The following ABCG5 variants were observed in gnomAD, a reference collection of about 807,000 sequenced individuals.
ABCG5 encodes the protein ATP binding cassette subfamily G member 5.
ABCG5 carries 64 observed loss-of-function variants against 64.5 expected under a neutral mutation model. The ratio of observed to expected loss-of-function variants is 0.99; its 90% confidence interval spans 0.81 to 1.22. The LOEUF (loss-of-function observed/expected upper bound fraction) is 1.22, where lower values mean the gene tolerates loss of function less well. ABCG5 is among the 50% of genes most tolerant of loss of function. ABCG5 has a pLI of 0.00. For synonymous variants in ABCG5, 385 were observed against 326.3 expected (o/e 1.18, Z -1.94); for missense variants, 908 against 829.5 (o/e 1.09, Z -1.16).
intron 10 of ABCG5, among the ~76,000 whole-genome samples, chr2:43,820,616 T>A (rs193000646): frequency 1.1e-4 from 16 of 152,262 alleles, no homozygotes; most frequent in Admixed American, 8.5e-4. Context: ...TCCATTCCAT[T>A]CTTGTCTTTT....
At position 43,835,062 on chromosome 2, in the gene ABCG5, C is replaced by T. The variant is rs116205440; in HGVS notation, c.265+2772G>A. ...GACCCTGTTCTAGGTGATAAGGATA[C>T]AGTAGAATACAGTCCCTGCCCTTGT... On this transcript the variant is annotated intron_variant, in intron 2 of 12. Coordinates refer to ENST00000405322, the MANE Select transcript of ABCG5 (RefSeq NM_022436.3). Among the ~76,000 whole-genome samples, 1,176 of 152,292 alleles carry T rather than the reference C, an allele frequency of 7.7e-3. 17 individuals carry two copies. Among genetic ancestry groups the T allele is most frequent in the African/African-American group, 0.027 (1,109 of 41,556 alleles).
chr2:43,814,646 A>G, intron 11 of ABCG5, 57 bp from the exon 12 acceptor site: 1 of 998,638 alleles, frequency 1.0e-6, no homozygotes, highest in Admixed American at 1.9e-5. Context: ...AGTCCTACCA[A>G]ATGAAAAGAA....
At chr2:43,834,408 G>C (rs1303812941) in intron 2 of ABCG5, among the ~76,000 whole-genome samples, 1 of 152,216 alleles carries the variant, frequency 6.6e-6, no homozygotes, top group Non-Finnish European at 1.5e-5. Flanking sequence ...GGGATCCCAA[G>C]ACAGGACTAC....
downstream of ABCG5, among the ~76,000 whole-genome samples, chr2:43,807,621 G>A (rs375384722): frequency 6.6e-6 from 1 of 150,886 alleles, no homozygotes; most frequent in Non-Finnish European, 1.5e-5. Context: ...TTTGTTTTTT[G>A]TTGCCCAGGC....
At chr2:43,830,271 A>G (rs1667882181) in intron 4 of ABCG5, among the ~76,000 whole-genome samples, 1 of 152,250 alleles carries the variant, frequency 6.6e-6, no homozygotes, top group South Asian at 2.1e-4. Flanking sequence ...TGGGATGAGC[A>G]AGTCCAACCC....
Position 43,838,433 on chromosome 2 carries a change from G to T in ABCG5, c.143+104C>A. 8.6e-7 allele frequency: 1 copy of T among 1,157,964 alleles called. No homozygotes were observed. The highest frequency in any genetic ancestry group is 2.6e-5 in the East Asian group (1 of 38,768). 71.7% of individuals were successfully genotyped at this position (1,157,964 alleles called of 1,614,324 possible). On this transcript the variant is annotated intron_variant, in intron 1 of 12. Transcript: ENST00000405322. The surrounding 1 kb of genome is among the most constrained non-coding windows in gnomAD (Gnocchi z 4.2). ...ACCCGATCCACTAAAGAGGGAGCCCGAAGTGCCCAGACTGGCACTTAAAGA... is the reference window on the plus strand; with the variant it reads ...ACCCGATCCACTAAAGAGGGAGCCCTAAGTGCCCAGACTGGCACTTAAAGA...
At chr2:43,834,880 C>G (rs1668165818) in intron 2 of ABCG5, among the ~76,000 whole-genome samples, 1 of 152,228 alleles carries the variant, frequency 6.6e-6, no homozygotes, top group Non-Finnish European at 1.5e-5. Flanking sequence ...ACGTATATGT[C>G]ATCATCTTTT....
intron 10 of ABCG5, among the ~76,000 whole-genome samples, chr2:43,820,419 A>T (rs1271641756): frequency 6.6e-6 from 1 of 152,206 alleles, no homozygotes; most frequent in Admixed American, 6.5e-5. Context: ...TGAACTCTAC[A>T]GGCATCTTCA....
In ABCG5 at chr2:43,814,581, T is replaced by G. The variant is rs1440585100; in HGVS notation, c.1658A>C (p.Gln553Pro). 2 of 1,583,046 alleles carry G rather than the reference T, an allele frequency of 1.3e-6. No individual in the cohort carries two copies. Among genetic ancestry groups the G allele is most frequent in the Non-Finnish European group, 1.7e-6 (2 of 1,152,536 alleles). Residue 553 changes from glutamine (Q) to proline (P), a missense_variant, in exon 12 of 13, where the codon CAA becomes CCA. Coordinates refer to ENST00000405322, the MANE Select transcript of ABCG5 (RefSeq NM_022436.3). ...LVGSGFLRNIQEMPIPFKIIS... is the reference protein window; with the variant it reads ...LVGSGFLRNIPEMPIPFKIIS... ...GATTTTAAAAGGAATGGGCATTTCT[T>G]GTATGTTTCTTAAGAAAAAGAAAAC...
In ABCG5 at chr2:43,838,497, C is replaced by T. The variant is rs1196784866; in HGVS notation, c.143+40G>A. 6.4e-7 allele frequency: 1 copy of T among 1,566,620 alleles called. No homozygotes were observed. Among genetic ancestry groups the T allele is most frequent in the Non-Finnish European group, 8.7e-7 (1 of 1,154,694 alleles). On this transcript the variant is annotated intron_variant, in intron 1 of 12. Transcript: ENST00000405322. The surrounding 1 kb of genome is among the most constrained non-coding windows in gnomAD (Gnocchi z 4.2). ...GCAGAGGGGTGAGCGCCGGGCCCCG[C>T]ACTCCTGGGGGAGCAGCAGCAGCAA...
chr2:43,824,694 G>C, intron 7 of ABCG5, 195 bp downstream of exon 7: 2 of 957,598 alleles, frequency 2.1e-6, no homozygotes, highest in Non-Finnish European at 2.5e-6. Flanking sequence ...GTTTGTTTGA[G>C]AGAGATCCCT....
chr2:43,832,393 G>T, intron 2 of ABCG5: 1 of 512,654 alleles, frequency 2.0e-6, no homozygotes, highest in South Asian at 2.4e-5. Context: ...AAACTGTTTT[G>T]GATTGAAAAA....
chr2:43,810,281 C>A, downstream of ABCG5: 1 of 819,916 alleles, frequency 1.2e-6, no homozygotes, highest in Non-Finnish European at 1.5e-6. Context: ...CCTAGAGTGT[C>A]GCCATCAGTG....
In ABCG5 at chr2:43,831,234, G is replaced by A. The variant is rs531730588; in HGVS notation, c.501+535C>T. 2.2e-3 allele frequency among the ~76,000 whole-genome samples: 338 copies of A among 152,282 alleles called. 1 individual carries two copies. The highest frequency in any genetic ancestry group is 0.014 in the Middle Eastern group (4 of 294). On this transcript the variant is annotated intron_variant, in intron 4 of 12. Coordinates refer to ENST00000405322, the MANE Select transcript of ABCG5 (RefSeq NM_022436.3). ...GTCCTTCAGGCTGGAGTGCAATGGTGCAATCATGGCTCGCTGCAGCCTCGA... is the reference window on the plus strand; with the variant it reads ...GTCCTTCAGGCTGGAGTGCAATGGTACAATCATGGCTCGCTGCAGCCTCGA...
intron 4 of ABCG5, among the ~76,000 whole-genome samples, chr2:43,831,094 G>A (rs75120431): frequency 6.6e-6 from 1 of 152,286 alleles, no homozygotes; most frequent in Non-Finnish European, 1.5e-5. Flanking sequence ...AAAGAAACAG[G>A]TGAAATTAAT....
At chr2:43,825,930 C>T (rs1425160074) in intron 6 of ABCG5, among the ~76,000 whole-genome samples, 1 of 152,012 alleles carries the variant, frequency 6.6e-6, no homozygotes, top group Non-Finnish European at 1.5e-5. Context: ...ATCCTTTGCT[C>T]TTCCCCTCTC....
intron 10 of ABCG5, 34 bp from the exon 11 acceptor site, chr2:43,820,134 A>G: frequency 6.3e-7 from 1 of 1,599,156 alleles, no homozygotes; most frequent in Non-Finnish European, 8.5e-7. Context: ...TTTCCTCTCC[A>G]AGGGCTATCA....
chr2:43,837,714 A>G (rs1668368017), intron 2 of ABCG5, 120 bp downstream of exon 2: 5 of 1,324,872 alleles, frequency 3.8e-6, no homozygotes, highest in Non-Finnish European at 4.3e-6. Context: ...ACAGTCAGAT[A>G]TCAATAGAAT....
chr2:43,835,158 A>G (rs897353913), intron 2 of ABCG5, among the ~76,000 whole-genome samples: 5 of 152,160 alleles, frequency 3.3e-5, no homozygotes, highest in African/African-American at 1.2e-4. Context: ...GTAATTAGGC[A>G]TCTCATCAGA....
Sources: allele counts gnomAD v4.1 joint callset (sites outside exome capture counted in the v4.1 genomes callset), GRCh38; gene constraint gnomAD v4.1.1; non-coding constraint Gnocchi (gnomAD v3.1); transcripts MANE v1.5; gene names NCBI Gene and HGNC (gene_info 2026-07-23, HGNC 2026-07-21).